The following BAG4 variants were observed in gnomAD, a reference collection of about 807,000 sequenced individuals.
BAG4 encodes the protein BAG family molecular chaperone regulator 4.
BAG4 carries 28 observed loss-of-function variants against 52.1 expected under a neutral mutation model. That is an observed-to-expected ratio of 0.54 (90% confidence interval 0.40 to 0.74). BAG4 has a LOEUF of 0.74. BAG4 is among the 30% of genes least tolerant of loss of function. BAG4 has a pLI of 0.00. For missense variants in BAG4, 525 were observed against 572.0 expected (o/e 0.92, Z 0.84); for synonymous variants, 208 against 217.0 (o/e 0.96, Z 0.37).
chr8:38,191,148 T>G (rs1354537972), intron 1 of BAG4, among the ~76,000 whole-genome samples: 1 of 152,206 alleles, frequency 6.6e-6, no homozygotes, highest in East Asian at 1.9e-4. Context: ...GTTTTAAGTT[T>G]CATTATTCTT....
chr8:38,189,679 G>A (rs573083036), intron 1 of BAG4, among the ~76,000 whole-genome samples: 59 of 152,352 alleles, frequency 3.9e-4, no homozygotes, highest in Non-Finnish European at 7.6e-4. Context: ...ATAAGATAAT[G>A]TAGGTCTTGT....
chr8:38,185,863 A>G (rs1803358440), intron 1 of BAG4, among the ~76,000 whole-genome samples: 2 of 152,052 alleles, frequency 1.3e-5, no homozygotes, highest in African/African-American at 4.8e-5. Context: ...GCGCCTGGCC[A>G]TGAAGAAACA....
chr8:38,210,133 A>G lies in BAG4; in HGVS notation c.1014A>G (p.Gln338=). 1 of 1,614,184 alleles carries G rather than the reference A, an allele frequency of 6.2e-7. No homozygotes were observed. Among genetic ancestry groups the G allele is most frequent in the East Asian group, 2.2e-5 (1 of 44,884 alleles). The part of the protein sequence containing the change: ...NNDDSDLLDS[Q]VQYSAEPQLY... ...ATGATTCAGATCTTTTGGATTCCCA[A>G]GTCCAGTATAGTGCTGAGCCTCAGC... The change falls in exon 5 of 5, where the codon CAA becomes CAG. Residue 338 remains glutamine (Q), a synonymous_variant. Transcript: ENST00000287322.
chr8:38,185,574 T>A (rs923610916), intron 1 of BAG4, among the ~76,000 whole-genome samples: 1 of 152,094 alleles, frequency 6.6e-6, no homozygotes, highest in East Asian at 1.9e-4. Context: ...CCTTTTTTTT[T>A]AGACAGAGTC....
chr8:38,194,824 A>G (rs960686959), intron 2 of BAG4, among the ~76,000 whole-genome samples: 1 of 135,830 alleles, frequency 7.4e-6, no homozygotes, highest in African/African-American at 2.7e-5. Flanking sequence ...TTATCTAGCC[A>G]TATTACTGGG....
At chr8:38,194,924 G>A (rs191323094) in intron 2 of BAG4, among the ~76,000 whole-genome samples, 56 of 131,098 alleles carry the variant, frequency 4.3e-4, no homozygotes, top group African/African-American at 1.5e-3. Context: ...GCGCGACCTC[G>A]GCTCACTGCA....
intron 1 of BAG4, among the ~76,000 whole-genome samples, chr8:38,178,429 G>T (rs1030338152): frequency 3.3e-5 from 5 of 152,212 alleles, no homozygotes; most frequent in Non-Finnish European, 5.9e-5. Flanking sequence ...CTCCCGAAGT[G>T]TTGGGATTAC....
intron 2 of BAG4, among the ~76,000 whole-genome samples, chr8:38,197,518 C>A (rs993713570): frequency 6.6e-6 from 1 of 152,112 alleles, no homozygotes; most frequent in Non-Finnish European, 1.5e-5. Context: ...ATGGAACTTG[C>A]AGGACTGGAA....
Position 38,202,571 on chromosome 8 carries a change from T to C in BAG4, c.379-4941T>C, listed in dbSNP as rs116370350. 5.8e-3 allele frequency among the ~76,000 whole-genome samples: 888 copies of C among 151,942 alleles called. 13 individuals are homozygous for C. Among genetic ancestry groups the C allele is most frequent in the African/African-American group, 0.021 (856 of 41,420 alleles). ...TGTGCTCGGCCCCCTTTTTTTTTTT[T>C]TTTCTGTTTCTCAGGCTGGAGTGCA... On this transcript the variant is annotated intron_variant, in intron 2 of 4. Coordinates refer to ENST00000287322, the MANE Select transcript of BAG4 (RefSeq NM_004874.4).
At chr8:38,204,117 T>A (rs1431517855) in intron 2 of BAG4, 1 of 152,258 alleles carries the variant, frequency 6.6e-6, no homozygotes, top group Non-Finnish European at 1.5e-5. Flanking sequence ...ATGTGACAGC[T>A]TTGTGATCTG....
Position 38,176,877 on chromosome 8 carries a change from C to T in BAG4, c.8C>T (p.Ala3Val). The T allele has an allele frequency of 1.3e-6, 2 of 1,537,820 alleles. No homozygotes were observed. The highest frequency in any genetic ancestry group is 8.8e-7 in the Non-Finnish European group (1 of 1,140,622). MS[A>V]LRRSGYGPSD... ...TTCAGGGCAGCGGATCCCATGTCGG[C>T]CCTGAGGCGCTCGGGCTACGGCCCC... The change falls in exon 1 of 5, where the codon GCC becomes GTC. Residue 3 changes from alanine to valine, a missense_variant. This residue lies in a region of BAG4 where 287 missense variants were observed against 266.1 expected (regional missense o/e 1.08). Coordinates refer to ENST00000287322, the MANE Select transcript of BAG4 (RefSeq NM_004874.4).
At chr8:38,199,585 A>T (rs531170243) in intron 2 of BAG4, among the ~76,000 whole-genome samples, 2 of 149,528 alleles carry the variant, frequency 1.3e-5, no homozygotes, top group South Asian at 4.2e-4. Flanking sequence ...GTGCAGTGGC[A>T]CAATCTTGGC....
chr8:38,181,939 A>T (rs1803282457), intron 1 of BAG4, among the ~76,000 whole-genome samples: 1 of 133,768 alleles, frequency 7.5e-6, no homozygotes, highest in Non-Finnish European at 1.6e-5. Flanking sequence ...AAAGAGTTAG[A>T]GTTGAGAAAC....
chr8:38,208,018 CTT>C (rs33941853), intron 3 of BAG4, among the ~76,000 whole-genome samples: 6 of 141,454 alleles, frequency 4.2e-5, no homozygotes, highest in Non-Finnish European at 4.6e-5. Flanking sequence ...CTATCTTAGC[CTT>C]TTTTTTTTTT....
At chr8:38,196,195 A>G (rs1364222518) in intron 2 of BAG4, among the ~76,000 whole-genome samples, 1 of 152,198 alleles carries the variant, frequency 6.6e-6, no homozygotes, top group Admixed American at 6.5e-5. Flanking sequence ...TCTTGGGTCT[A>G]TACCTAGAAA....
intron 1 of BAG4, among the ~76,000 whole-genome samples, chr8:38,185,467 ACCTAGTCC>A (rs1419872224): frequency 2.0e-5 from 3 of 152,206 alleles, no homozygotes; most frequent in Admixed American, 6.5e-5. Context: ...AATTCTGTGG[ACCTAGTCC>A]CCAGTGAAAC....
At chr8:38,197,856 C>T (rs191081873) in intron 2 of BAG4, among the ~76,000 whole-genome samples, 201 of 152,002 alleles carry the variant, frequency 1.3e-3, no homozygotes, top group Non-Finnish European at 2.7e-3. Flanking sequence ...TGTGCCACCA[C>T]ACCTGGCTAA....
Position 38,211,114 on chromosome 8 carries a change from A to G in BAG4, c.*621A>G, listed in dbSNP as rs1203423729. On this transcript the variant is annotated 3_prime_UTR_variant, in exon 5 of 5. Coordinates refer to ENST00000287322, the MANE Select transcript of BAG4 (RefSeq NM_004874.4). ...GTATGGCAGTTCTGAAAAAATTTAT[A>G]TCTTTTCACCACTTGAATATACTGC... 1 of 151,520 alleles carries G rather than the reference A, an allele frequency of 6.6e-6. No homozygotes were observed. Among genetic ancestry groups the G allele is most frequent in the Non-Finnish European group, 1.5e-5 (1 of 67,934 alleles). 9.4% of individuals were successfully genotyped at this position (151,520 alleles called of 1,614,324 possible).
chr8:38,204,756 A>G (rs1563284936), intron 2 of BAG4, among the ~76,000 whole-genome samples: 3 of 152,086 alleles, frequency 2.0e-5, no homozygotes, highest in Non-Finnish European at 2.9e-5. Flanking sequence ...ACATGAACCC[A>G]TCTATTGGTT....
Sources: gnomAD v4.1 joint callset for allele counts (sites outside exome capture counted in the v4.1 genomes callset) on GRCh38, gnomAD v4.1.1 for gene constraint, gnomAD v4.1.1 regional missense constraint, MANE v1.5 for transcripts, NCBI Gene and HGNC (gene_info 2026-07-23, HGNC 2026-07-21) for gene names.